Variants in CEP112 observed in about 807,000 individuals in gnomAD.
The protein encoded by CEP112 is centrosomal protein of 112 kDa.
Under a neutral mutation model 153.0 loss-of-function variants are expected in CEP112, and 127 were observed. The observed-to-expected ratio is 0.83, with a 90% confidence interval of 0.72 to 0.96. The LOEUF (loss-of-function observed/expected upper bound fraction) is 0.96, where lower values mean the gene tolerates loss of function less well. Among genes scored for constraint, CEP112 ranks in the 40% least tolerant of loss-of-function variants. The pLI, the probability that CEP112 is intolerant of heterozygous loss-of-function variation, is 0.00. For missense variants in CEP112, 1,089 were observed against 1,101.2 expected (o/e 0.99, Z 0.16); for synonymous variants, 358 against 374.4 (o/e 0.96, Z 0.51).
intron 20 of CEP112, among the ~76,000 whole-genome samples, chr17:65,894,950 C>T (rs373425154): frequency 3.9e-5 from 6 of 151,908 alleles, no homozygotes; most frequent in Non-Finnish European, 7.4e-5. Context: ...GTGAAACTAC[C>T]GGCTAATACT....
At chr17:65,887,003 A>G (rs1047217423) in intron 20 of CEP112, among the ~76,000 whole-genome samples, 7 of 152,208 alleles carry the variant, frequency 4.6e-5, no homozygotes, top group African/African-American at 1.4e-4. Flanking sequence ...GCCCTTCTAA[A>G]TAGTTCTAAC....
At chr17:65,654,295 G>C (rs1269392815) in intron 24 of CEP112, among the ~76,000 whole-genome samples, 1 of 152,160 alleles carries the variant, frequency 6.6e-6, no homozygotes, top group Non-Finnish European at 1.5e-5. Flanking sequence ...TGAAAATGTA[G>C]AAATAACTGC....
At chr17:65,785,193 A>C (rs2054216025) in intron 21 of CEP112, among the ~76,000 whole-genome samples, 1 of 152,162 alleles carries the variant, frequency 6.6e-6, no homozygotes, top group Non-Finnish European at 1.5e-5. Context: ...CATTGTGTGG[A>C]TATACCACAT....
chr17:65,764,315 T>C (rs568084447), intron 21 of CEP112, among the ~76,000 whole-genome samples: 1 of 152,278 alleles, frequency 6.6e-6, no homozygotes, highest in Non-Finnish European at 1.5e-5. Flanking sequence ...CTTTTAATTT[T>C]CTGTCTCATT....
intron 20 of CEP112, among the ~76,000 whole-genome samples, chr17:65,857,808 AG>A (rs2058175625): frequency 6.6e-6 from 1 of 152,148 alleles, no homozygotes; most frequent in East Asian, 1.9e-4. Context: ...TGAAAGAATC[AG>A]TATAAGATGA....
intron 6 of CEP112, among the ~76,000 whole-genome samples, chr17:66,107,002 A>G (rs2068811134): frequency 6.6e-6 from 1 of 152,188 alleles, no homozygotes; most frequent in South Asian, 2.1e-4. Flanking sequence ...AGGCAAATCA[A>G]TCCATGTGAT....
intron 6 of CEP112, among the ~76,000 whole-genome samples, chr17:66,121,772 T>C (rs2069606543): frequency 6.6e-6 from 1 of 151,876 alleles, no homozygotes; most frequent in Non-Finnish European, 1.5e-5. Flanking sequence ...CTATGCCTCC[T>C]GAGGAGCTGG....
chr17:65,851,720 T>G, intron 21 of CEP112, 84 bp downstream of exon 21: 1 of 954,528 alleles, frequency 1.0e-6, no homozygotes, highest in East Asian at 2.4e-5. Flanking sequence ...CTACTACCTT[T>G]TGGAGATTAA....
At chr17:65,911,745 A>G (rs1469652888) in intron 19 of CEP112, among the ~76,000 whole-genome samples, 6 of 152,338 alleles carry the variant, frequency 3.9e-5, no homozygotes, top group Non-Finnish European at 8.8e-5. Flanking sequence ...ATATAATTTA[A>G]TATTTTAATT....
At chr17:65,874,500 T>C (rs1383514923) in intron 20 of CEP112, among the ~76,000 whole-genome samples, 3 of 152,126 alleles carry the variant, frequency 2.0e-5, no homozygotes, top group Non-Finnish European at 2.9e-5. Flanking sequence ...GTAACATTAG[T>C]GGGAAAAAGC....
intron 5 of CEP112, among the ~76,000 whole-genome samples, chr17:66,130,563 C>G (rs1355297018): frequency 6.6e-6 from 1 of 152,012 alleles, no homozygotes; most frequent in East Asian, 1.9e-4. Context: ...ATCACGAGGT[C>G]AGGAGATCAA....
intron 24 of CEP112, among the ~76,000 whole-genome samples, chr17:65,660,474 CCT>C (rs1165457486): frequency 6.7e-5 from 2 of 29,930 alleles, no homozygotes; most frequent in African/African-American, 6.7e-4. Flanking sequence ...TTCCTTCCTT[CCT>C]TCCTTCCTTC....
At chr17:66,133,743 A>G (rs1202822616) in intron 4 of CEP112, among the ~76,000 whole-genome samples, 1 of 152,206 alleles carries the variant, frequency 6.6e-6, no homozygotes, top group East Asian at 1.9e-4. Context: ...CTAACATTCA[A>G]CCACAAACCA....
At chr17:66,009,530 C>T (rs2064423512) in intron 16 of CEP112, among the ~76,000 whole-genome samples, 2 of 152,118 alleles carry the variant, frequency 1.3e-5, no homozygotes, top group Admixed American at 1.3e-4. Context: ...GACTGTAAAT[C>T]TTTGCCACTT....
At chr17:66,055,476 C>T (rs911510315) in intron 11 of CEP112, among the ~76,000 whole-genome samples, 1 of 152,186 alleles carries the variant, frequency 6.6e-6, no homozygotes, top group African/African-American at 2.4e-5. Flanking sequence ...AATCTCAGTG[C>T]TCCTTCACAG....
chr17:66,062,788 C>T (rs1395549454), intron 11 of CEP112, among the ~76,000 whole-genome samples, 175 bp downstream of exon 11: 1 of 152,088 alleles, frequency 6.6e-6, no homozygotes, highest in African/African-American at 2.4e-5. Context: ...AGACCATAGA[C>T]TTCCAGAAGA....
intron 12 of CEP112, among the ~76,000 whole-genome samples, chr17:66,039,557 T>A (rs1300583654): frequency 6.6e-6 from 1 of 152,130 alleles, no homozygotes; most frequent in Non-Finnish European, 1.5e-5. Flanking sequence ...ACTGCATAAG[T>A]CTTAAAGATA....
chr17:66,110,023 G>A lies in CEP112; in HGVS notation c.643-13391C>T, dbSNP rs139076248. Among the ~76,000 whole-genome samples the A allele has an allele frequency of 4.3e-3, 649 of 152,290 alleles. 6 individuals carry two copies. Among genetic ancestry groups the A allele is most frequent in the African/African-American group, 0.015 (623 of 41,558 alleles). On this transcript the variant is annotated intron_variant, in intron 6 of 26. Coordinates refer to ENST00000535342, the MANE Select transcript of CEP112 (RefSeq NM_001199165.4). Reference sequence around the variant, plus strand: ...AAAATACAAAAAATTTGCCTGGTGTGGTGGCAGACACCTGTAGTCCCATCT... The same window carrying A: ...AAAATACAAAAAATTTGCCTGGTGTAGTGGCAGACACCTGTAGTCCCATCT...
At chr17:65,973,147 A>G (rs763463997) in intron 17 of CEP112, among the ~76,000 whole-genome samples, 2 of 152,234 alleles carry the variant, frequency 1.3e-5, no homozygotes, top group Non-Finnish European at 2.9e-5. Flanking sequence ...GTAAAACCTA[A>G]AACTATAAAA....
Sources: allele counts gnomAD v4.1 joint callset (sites outside exome capture counted in the v4.1 genomes callset), GRCh38; gene constraint gnomAD v4.1.1; transcripts MANE v1.5; gene names NCBI Gene and HGNC (gene_info 2026-07-23, HGNC 2026-07-21).